NPIPB2: variants seen among roughly 807,000 people sequenced by gnomAD.
NPIPB2 encodes the protein nuclear pore complex-interacting protein family member B2.
In NPIPB2, 27 loss-of-function variants were observed where a neutral mutation model predicts 30.8. The ratio of observed to expected loss-of-function variants is 0.88; its 90% confidence interval spans 0.65 to 1.21. NPIPB2 has a LOEUF of 1.21. NPIPB2 is among the 50% of genes most tolerant of loss of function. NPIPB2 has a pLI of 0.00. For synonymous variants in NPIPB2, 147 were observed against 162.0 expected (o/e 0.91, Z 0.70); for missense variants, 440 against 446.2 (o/e 0.99, Z 0.13).
chr16:11,941,638 C>T (rs1259875486), intron 1 of NPIPB2, among the ~76,000 whole-genome samples: 17 of 151,816 alleles, frequency 1.1e-4, no homozygotes, highest in Admixed American at 2.0e-4. Flanking sequence ...AAACCTTCTT[C>T]GGTCTGGGCC....
intron 1 of NPIPB2, among the ~76,000 whole-genome samples, chr16:11,958,167 T>A (rs1255236209): frequency 6.6e-6 from 1 of 152,144 alleles, no homozygotes; most frequent in Non-Finnish European, 1.5e-5. Flanking sequence ...GGCTCACTCC[T>A]GTAATTCCAA....
At chr16:11,936,352 C>T (rs975747083) in intron 2 of NPIPB2, among the ~76,000 whole-genome samples, 1 of 151,146 alleles carries the variant, frequency 6.6e-6, no homozygotes, top group Non-Finnish European at 1.5e-5. Context: ...CAATTTATAC[C>T]GAAAATTCTC....
chr16:11,934,129 G>T (rs2054832075), intron 2 of NPIPB2, among the ~76,000 whole-genome samples: 1 of 151,730 alleles, frequency 6.6e-6, no homozygotes, highest in African/African-American at 2.4e-5. Flanking sequence ...TACTCGGGAG[G>T]CTGAGGCAGA....
rs184544241 is a variant in NPIPB2 at position 11,975,443 on chromosome 16, G to A, written c.-584+1125C>T. ...ATTACAGGCGTGAGCCACCGCGCCC[G>A]GCCAATCCATCACCTTTTCTATCTC... is the stretch of plus-strand genomic sequence containing the variant. On this transcript the variant is annotated intron_variant, in intron 1 of 5. Coordinates refer to the NPIPB2 transcript ENST00000538896. Among the ~76,000 whole-genome samples the A allele has an allele frequency of 8.3e-4, 126 of 151,922 alleles. 1 individual carries two copies. Among genetic ancestry groups the A allele is most frequent in the East Asian group, 6.8e-3 (35 of 5,122 alleles).
upstream of NPIPB2, among the ~76,000 whole-genome samples, chr16:11,944,129 G>T (rs2054975999): frequency 6.6e-6 from 1 of 151,202 alleles, no homozygotes; most frequent in Admixed American, 6.6e-5. Context: ...CCAGAAAACA[G>T]CAGAACACCA....
At chr16:11,966,258 T>C (rs368025520) in intron 1 of NPIPB2, 2 of 1,613,970 alleles carry the variant, frequency 1.2e-6, no homozygotes, top group African/African-American at 2.7e-5. Context: ...CTGAGCTTAA[T>C]AATTTCTTTG....
chr16:11,947,050 ATATATATATGG>A (rs1176995920), intron 1 of NPIPB2, among the ~76,000 whole-genome samples: 3 of 139,076 alleles, frequency 2.2e-5, no homozygotes, highest in Non-Finnish European at 4.7e-5. Flanking sequence ...TTATATATAT[ATATATATATGG>A]TATATATATA....
chr16:11,930,477 A>G (rs1165737495), exon 5 of NPIPB2: 13 of 1,579,164 alleles, frequency 8.2e-6, no homozygotes, highest in Non-Finnish European at 1.1e-5. Context: ...TTTCATATCC[A>G]ATTTCCCATT....
chr16:11,938,072 G>A (rs2054891196), intron 1 of NPIPB2, among the ~76,000 whole-genome samples: 1 of 152,250 alleles, frequency 6.6e-6, no homozygotes, highest in African/African-American at 2.4e-5. Flanking sequence ...AGGCTGGAGT[G>A]CAGTGGTGCA....
chr16:11,952,797 C>T (rs1043435900), intron 1 of NPIPB2, among the ~76,000 whole-genome samples: 15 of 152,016 alleles, frequency 9.9e-5, no homozygotes, highest in Non-Finnish European at 1.3e-4. Flanking sequence ...AATGCCTGAC[C>T]TCAGGTAATC....
At chr16:11,951,430 C>T (rs1335070142) in intron 1 of NPIPB2, among the ~76,000 whole-genome samples, 4 of 141,042 alleles carry the variant, frequency 2.8e-5, no homozygotes, top group Non-Finnish European at 6.0e-5. Context: ...TGCCACTGCA[C>T]TCCAGCCTGG....
At chr16:11,948,784 A>AG (rs1241510907) in intron 1 of NPIPB2, among the ~76,000 whole-genome samples, 1 of 143,212 alleles carries the variant, frequency 7.0e-6, no homozygotes, top group East Asian at 2.0e-4. Flanking sequence ...AAAAAAAAAA[A>AG]AAAAAAAAAG....
At chr16:11,940,548 C>A (rs1026451650) in intron 1 of NPIPB2, among the ~76,000 whole-genome samples, 1 of 119,076 alleles carries the variant, frequency 8.4e-6, no homozygotes, top group African/African-American at 2.8e-5. Context: ...ACTATCCTGG[C>A]GAACATGGTG....
chr16:11,967,347 T>C (rs2055202528), intron 1 of NPIPB2, among the ~76,000 whole-genome samples: 1 of 152,110 alleles, frequency 6.6e-6, no homozygotes, highest in East Asian at 1.9e-4. Flanking sequence ...AAGCTGGGTG[T>C]GGTGGCATGG....
At chr16:11,938,203 G>A (rs2054893031) in intron 1 of NPIPB2, among the ~76,000 whole-genome samples, 2 of 152,300 alleles carry the variant, frequency 1.3e-5, no homozygotes, top group Admixed American at 6.5e-5. Flanking sequence ...ATTTTTAGTA[G>A]AGATGAGGTT....
intron 1 of NPIPB2, among the ~76,000 whole-genome samples, chr16:11,950,447 G>C (rs573306832): frequency 2.6e-5 from 4 of 152,232 alleles, no homozygotes; most frequent in African/African-American, 9.6e-5. Context: ...TGAGGTTATA[G>C]GCCTGAACCA....
intron 1 of NPIPB2, among the ~76,000 whole-genome samples, chr16:11,938,467 A>T (rs1041616176): frequency 4.6e-5 from 7 of 151,700 alleles, no homozygotes; most frequent in African/African-American, 1.7e-4. Flanking sequence ...AGTAGCTGGG[A>T]GTACAGGTGC....
chr16:11,965,474 C>CGAT, intron 1 of NPIPB2: 1 of 1,612,412 alleles, frequency 6.2e-7, no homozygotes, highest in Non-Finnish European at 8.5e-7. Flanking sequence ...ATTGCTTGAA[C>CGAT]GATTATTCAT....
chr16:11,934,226 T>TCACACA (rs766087820), intron 2 of NPIPB2, among the ~76,000 whole-genome samples: 25,535 of 121,544 alleles, frequency 0.21, 3,059 homozygotes, highest in Non-Finnish European at 0.26. Context: ...TGAGACTCTG[T>TCACACA]CACACACACA....
Sources: allele counts gnomAD v4.1 joint callset (sites outside exome capture counted in the v4.1 genomes callset), GRCh38; gene constraint gnomAD v4.1.1; transcripts MANE v1.5; gene names NCBI Gene and HGNC (gene_info 2026-07-23, HGNC 2026-07-21).